TAF4: variants seen among roughly 807,000 people sequenced by gnomAD.
TAF4 encodes the protein TATA-box binding protein associated factor 4.
TAF4 carries 9 observed loss-of-function variants against 90.3 expected under a neutral mutation model. The observed-to-expected ratio is 0.10, with a 90% confidence interval of 0.06 to 0.17. TAF4 has a LOEUF of 0.17. TAF4 is among the 10% of genes least tolerant of loss of function. TAF4 has a pLI of 1.00. For synonymous variants in TAF4, 818 were observed against 638.9 expected (o/e 1.28, Z -4.23); for missense variants, 1,351 against 1,370.7 (o/e 0.99, Z 0.23).
Position 62,035,787 on chromosome 20 carries a change from A to T in TAF4, c.1361-21080T>A, listed in dbSNP as rs182695350. Among the ~76,000 whole-genome samples the T allele has an allele frequency of 3.3e-5, 5 of 152,306 alleles. No homozygotes were observed. In the East Asian group the frequency reaches 9.6e-4, roughly 29 times the overall value. On this transcript the variant is annotated intron_variant, in intron 1 of 14. Transcript: ENST00000252996. ...AAAAGATCAGATATAAACTGGAAGA[A>T]GATACTGGCCATATACAGATGACCT...
Position 62,039,791 on chromosome 20 carries a change from A to G in TAF4, c.1360+24660T>C, listed in dbSNP as rs571894897. Among the ~76,000 whole-genome samples the G allele has an allele frequency of 2.0e-5, 3 of 152,328 alleles. No homozygotes were observed. The South Asian group carries it at 6.2e-4, about 32-fold the overall frequency. The stretch of plus-strand genomic sequence containing the variant: ...AAAATACATTTTAAACTCTTACTAA[A>G]TCAATAATGACAAAACTAACAACCC... On this transcript the variant is annotated intron_variant, in intron 1 of 14. Transcript: ENST00000252996.
At chr20:62,020,799 T>C (rs770757208) in intron 1 of TAF4, among the ~76,000 whole-genome samples, 1 of 152,176 alleles carries the variant, frequency 6.6e-6, no homozygotes, top group African/African-American at 2.4e-5. Context: ...GCATTCCCCC[T>C]GAATACAGTA....
At chr20:62,007,785 T>C (rs901861309) in intron 5 of TAF4, 149 bp from the exon 6 acceptor site, 6 of 690,512 alleles carry the variant, frequency 8.7e-6, no homozygotes, top group Non-Finnish European at 1.2e-5. Context: ...GTGCTACACC[T>C]TTCACAGGTA....
At chr20:62,062,842 A>G (rs896151489) in intron 1 of TAF4, among the ~76,000 whole-genome samples, 3 of 152,270 alleles carry the variant, frequency 2.0e-5, no homozygotes, top group East Asian at 3.9e-4. Context: ...CCAGCCCCAC[A>G]AGACAGAGTC....
chr20:62,042,608 C>T (rs1001490820), intron 1 of TAF4, among the ~76,000 whole-genome samples: 5 of 151,856 alleles, frequency 3.3e-5, no homozygotes, highest in African/African-American at 7.3e-5. Context: ...CCCGTCTGCA[C>T]GCTCCCCTGC....
At chr20:62,035,461 G>C (rs974912039) in intron 1 of TAF4, among the ~76,000 whole-genome samples, 2 of 152,146 alleles carry the variant, frequency 1.3e-5, no homozygotes, top group Non-Finnish European at 2.9e-5. Context: ...ACAGAGGTGA[G>C]GAAGGACCAT....
chr20:62,059,400 T>C (rs746317082), intron 1 of TAF4, among the ~76,000 whole-genome samples: 5 of 152,250 alleles, frequency 3.3e-5, no homozygotes, highest in Non-Finnish European at 5.9e-5. Context: ...GGTCCAACCA[T>C]GGAAATATTA....
chr20:61,997,803 A>G (rs2055672615), intron 13 of TAF4, 134 bp from the exon 14 acceptor site: 1 of 1,172,010 alleles, frequency 8.5e-7, no homozygotes. Flanking sequence ...TGACTTTCTC[A>G]ATAGTAAGCA....
At chr20:61,977,813 G>A (rs1244254629) in intron 14 of TAF4, among the ~76,000 whole-genome samples, 2 of 152,200 alleles carry the variant, frequency 1.3e-5, no homozygotes, top group African/African-American at 4.8e-5. Flanking sequence ...TGCAGGGTGA[G>A]GGCAGGGCTC....
intron 1 of TAF4, among the ~76,000 whole-genome samples, chr20:62,019,979 C>A (rs966251421): frequency 6.6e-6 from 1 of 152,212 alleles, no homozygotes; most frequent in Non-Finnish European, 1.5e-5. Flanking sequence ...GCTGTGGACT[C>A]CGCCCTGGCC....
At chr20:62,040,066 G>T (rs2055955163) in intron 1 of TAF4, among the ~76,000 whole-genome samples, 2 of 152,216 alleles carry the variant, frequency 1.3e-5, no homozygotes, top group African/African-American at 2.4e-5. Flanking sequence ...AGCCACTTTG[G>T]AGTTCCTTCA....
intron 13 of TAF4, among the ~76,000 whole-genome samples, 163 bp from the exon 14 acceptor site, chr20:61,997,832 A>G (rs984876868): frequency 6.6e-6 from 1 of 152,200 alleles, no homozygotes; most frequent in Non-Finnish European, 1.5e-5. Context: ...AATCCAAAAA[A>G]TAAGATTTTT....
At chr20:61,989,147 C>T (rs575158417) in intron 14 of TAF4, among the ~76,000 whole-genome samples, 2 of 152,212 alleles carry the variant, frequency 1.3e-5, no homozygotes, top group South Asian at 4.2e-4. Flanking sequence ...ACACACAGGA[C>T]CCCTTCGACA....
rs770509580 is a variant in TAF4, at chr20:61,976,323, C to T, written c.3103G>A (p.Gly1035Ser). 17 of 1,613,430 alleles carry T rather than the reference C, an allele frequency of 1.1e-5. No individual in the cohort carries two copies. The highest frequency in any genetic ancestry group is 1.7e-5 in the Admixed American group (1 of 60,030). The change falls in exon 15 of 15, where the codon GGC (glycine) becomes AGC (serine). Residue 1035 changes from glycine to serine, a missense_variant. Around this residue, in one of 9 missense-constraint regions of TAF4, gnomAD observed 48 missense variants for 50.6 expected, o/e 0.95. Coordinates refer to ENST00000252996, the MANE Select transcript of TAF4 (RefSeq NM_003185.4). ...CCCGAGCTGCCTGGGACCACTGAGC[C>T]GGGGCCCGACCCCTGGTGATGAAAA... ...PGSGAEGSGP[G>S]SVVPGSSGVG...
At chr20:62,063,940 G>C (rs1379106330) in intron 1 of TAF4, among the ~76,000 whole-genome samples, 1 of 152,236 alleles carries the variant, frequency 6.6e-6, no homozygotes, top group Non-Finnish European at 1.5e-5. Flanking sequence ...GGAGACTGAA[G>C]AGGCTCGAGC....
chr20:62,051,482 G>A (rs1011812061), intron 1 of TAF4, among the ~76,000 whole-genome samples: 4 of 152,228 alleles, frequency 2.6e-5, no homozygotes, highest in African/African-American at 4.8e-5. Context: ...CAGGCTGCAC[G>A]TGCAGAGGGA....
Position 62,000,181 on chromosome 20 carries a change from T to C in TAF4, c.2730A>G (p.Leu910=), listed in dbSNP as rs1464471961. 1.2e-6 allele frequency: 2 copies of C among 1,614,160 alleles called. No homozygotes were observed. Among genetic ancestry groups the C allele is most frequent in the Non-Finnish European group, 1.7e-6 (2 of 1,180,056 alleles). ...SYVSHATQQR[L]QNLVEKISET... ...CTGATATTTTCTCTACAAGATTCTG[T>C]AGCCTTTGTTGCGTGGCATGTGATA... Residue 910 remains leucine (L), a synonymous_variant, in exon 11 of 15, where the codon CTA becomes CTG. Coordinates refer to ENST00000252996, the MANE Select transcript of TAF4 (RefSeq NM_003185.4).
At chr20:62,033,178 C>T (rs984809396) in intron 1 of TAF4, among the ~76,000 whole-genome samples, 1 of 152,114 alleles carries the variant, frequency 6.6e-6, no homozygotes, top group African/African-American at 2.4e-5. Flanking sequence ...CTCAGCAGGG[C>T]GGGGTCAGGC....
At chr20:62,031,230 T>G (rs977832599) in intron 1 of TAF4, among the ~76,000 whole-genome samples, 19 of 152,102 alleles carry the variant, frequency 1.2e-4, no homozygotes, top group African/African-American at 4.6e-4. Flanking sequence ...GGGTCCAAGG[T>G]CGGAACGTGG....
Sources: allele counts gnomAD v4.1 joint callset (sites outside exome capture counted in the v4.1 genomes callset), GRCh38; gene constraint gnomAD v4.1.1; regional missense constraint gnomAD v4.1.1; transcripts MANE v1.5; gene names NCBI Gene and HGNC (gene_info 2026-07-23, HGNC 2026-07-21).